Variants in ENOX1 observed in about 807,000 individuals in gnomAD.
ENOX1 encodes candidate growth-related and time keeping constitutive hydroquinone (NADH) oxidase.
A neutral mutation model predicts 82.5 loss-of-function variants in ENOX1; 42 were observed. That is an observed-to-expected ratio of 0.51 (90% CI 0.40 to 0.66). The LOEUF (loss-of-function observed/expected upper bound fraction) is 0.66, where lower values mean the gene tolerates loss of function less well. Ranked by LOEUF, ENOX1 falls within the 30% of genes least tolerant of loss-of-function variation. The pLI is 0.00. For missense variants in ENOX1, 608 were observed against 811.6 expected, an observed-to-expected ratio of 0.75 and a Z score of 3.05; for synonymous variants, 271 against 282.2, an observed-to-expected ratio of 0.96 and a Z score of 0.40.
intron 1 of ENOX1, among the ~76,000 whole-genome samples, chr13:43,679,824 G>T (rs2085696969): frequency 1.3e-5 from 2 of 152,180 alleles, no homozygotes; most frequent in African/African-American, 2.4e-5. Context: ...CTATCAAAAA[G>T]ATATTATCTG....
At chr13:43,272,245 G>C (rs1165667466) in intron 12 of ENOX1, among the ~76,000 whole-genome samples, 1 of 152,156 alleles carries the variant, frequency 6.6e-6, no homozygotes, top group African/African-American at 2.4e-5. Flanking sequence ...CACTCTCACA[G>C]TGAAGGCCAT....
chr13:43,348,067 C>T (rs1218784609), intron 8 of ENOX1, among the ~76,000 whole-genome samples: 3 of 152,196 alleles, frequency 2.0e-5, no homozygotes, highest in Non-Finnish European at 2.9e-5. Flanking sequence ...TTAAACAGCA[C>T]GGCGTGCCTC....
chr13:43,349,838 T>C (rs1309698539), intron 8 of ENOX1, among the ~76,000 whole-genome samples: 2 of 151,860 alleles, frequency 1.3e-5, no homozygotes, highest in Admixed American at 1.3e-4. Context: ...AAGGAATAGA[T>C]GTGATTCTTA....
At chr13:43,601,920 A>T (rs1391731415) in intron 2 of ENOX1, among the ~76,000 whole-genome samples, 1 of 152,176 alleles carries the variant, frequency 6.6e-6, no homozygotes, top group African/African-American at 2.4e-5. Context: ...TACAGAAAAA[A>T]ACTTCTTATC....
intron 1 of ENOX1, among the ~76,000 whole-genome samples, chr13:43,691,237 A>C (rs142513265): frequency 2.3e-3 from 353 of 152,204 alleles, no homozygotes; most frequent in African/African-American, 8.2e-3. Context: ...TTCATAAGTA[A>C]GTACCAAAAC....
chr13:43,326,746 A>G (rs1219836725), intron 9 of ENOX1, among the ~76,000 whole-genome samples: 1 of 152,214 alleles, frequency 6.6e-6, no homozygotes, highest in Non-Finnish European at 1.5e-5. Flanking sequence ...AATTCTAAGT[A>G]TGACCGGGAG....
intron 3 of ENOX1, among the ~76,000 whole-genome samples, chr13:43,433,570 T>C (rs972292472): frequency 2.6e-5 from 4 of 152,254 alleles, no homozygotes; most frequent in African/African-American, 9.6e-5. Context: ...TACACATATA[T>C]GTTTATTCTC....
intron 2 of ENOX1, among the ~76,000 whole-genome samples, chr13:43,500,589 T>C (rs2076946545): frequency 6.6e-6 from 1 of 151,800 alleles, no homozygotes; most frequent in Admixed American, 6.6e-5. Flanking sequence ...TGAAAGGGAG[T>C]TCTTCAAGTT....
chr13:43,361,722 C>A (rs1029839163), intron 5 of ENOX1, among the ~76,000 whole-genome samples: 1 of 152,074 alleles, frequency 6.6e-6, no homozygotes, highest in African/African-American at 2.4e-5. Context: ...TAAAAGCATG[C>A]ACCATGAAGC....
chr13:43,702,985 T>TAAAAAAAAAAA (rs2087007367), intron 1 of ENOX1, among the ~76,000 whole-genome samples: 1 of 83,368 alleles, frequency 1.2e-5, no homozygotes, highest in Non-Finnish European at 3.0e-5. Context: ...AAAAAAAAAG[T>TAAAAAAAAAAA]TTGAGGAAGC....
At chr13:43,448,377 A>T (rs983104307) in intron 3 of ENOX1, among the ~76,000 whole-genome samples, 2 of 152,256 alleles carry the variant, frequency 1.3e-5, no homozygotes, top group African/African-American at 2.4e-5. Context: ...TTAATTTTTA[A>T]AAAAACTTCA....
At chr13:43,637,651 G>T (rs1250861110) in intron 2 of ENOX1, among the ~76,000 whole-genome samples, 1 of 151,854 alleles carries the variant, frequency 6.6e-6, no homozygotes, top group East Asian at 1.9e-4. Flanking sequence ...AAGAATTCAA[G>T]ACTTAAAGAA....
At chr13:43,379,433 G>A (rs2051876021) in intron 5 of ENOX1, among the ~76,000 whole-genome samples, 1 of 151,904 alleles carries the variant, frequency 6.6e-6, no homozygotes, top group Admixed American at 6.6e-5. Flanking sequence ...TGTTCAAGAA[G>A]GCAGAAGGGA....
At position 43,213,532 on chromosome 13, in the gene ENOX1, C is replaced by CT. The variant is rs2041288863; in HGVS notation, c.*457dup. 3 of 61,772 alleles carry CT rather than the reference C, an allele frequency of 4.9e-5. No individual in the cohort carries two copies. Among genetic ancestry groups the CT allele is most frequent in the Admixed American group, 1.8e-4 (1 of 5,540 alleles). The allele number at this position is 61,772 out of a possible 1,614,324, so 3.8% of individuals were successfully genotyped here. A position where few individuals can be genotyped will look rare whatever the true frequency, so the allele number is the denominator to read the frequency against. ...AAAACTTTTTCTTTTTTCTTTTTTTCTTTTTCTTTTTCTTTTTTTTTTTTT... is the reference window on the plus strand; with the variant it reads ...AAAACTTTTTCTTTTTTCTTTTTTTCTTTTTTCTTTTTCTTTTTTTTTTTTT... On this transcript the variant is annotated 3_prime_UTR_variant, in exon 17 of 17. Coordinates refer to ENST00000690772, the MANE Select transcript of ENOX1 (RefSeq NM_001347969.2).
chr13:43,639,508 G>T (rs1472326632), intron 2 of ENOX1, among the ~76,000 whole-genome samples: 2 of 152,104 alleles, frequency 1.3e-5, no homozygotes, highest in Non-Finnish European at 2.9e-5. Context: ...TTTATCAATA[G>T]ACCTGGATTG....
intron 1 of ENOX1, among the ~76,000 whole-genome samples, chr13:43,716,504 T>TA (rs1256005085): frequency 2.0e-5 from 3 of 152,126 alleles, no homozygotes; most frequent in African/African-American, 7.2e-5. Context: ...AACTTGAAAG[T>TA]AAGAATGCTC....
At chr13:43,726,874 T>C (rs1252487825) in intron 1 of ENOX1, among the ~76,000 whole-genome samples, 1 of 152,108 alleles carries the variant, frequency 6.6e-6, no homozygotes, top group Non-Finnish European at 1.5e-5. Context: ...CCCGAGGAGC[T>C]GGGATTACAG....
Position 43,355,987 on chromosome 13 carries a change from G to A in ENOX1, c.755C>T (p.Pro252Leu), listed in dbSNP as rs1273945100. The A allele has an allele frequency of 1.2e-6, 2 of 1,613,830 alleles. No homozygotes were observed. The highest frequency in any genetic ancestry group is 8.5e-7 in the Non-Finnish European group (1 of 1,180,040). ...GTGCATTATGGCAGGCGGGGATGGG[G>A]GCCTGAGCCGGTCCTCCTCCAGCTT... ...RRKLEEDRLR[P>L]PSPPAIMHYS... Residue 252 changes from proline (P) to leucine (L), a missense_variant, in exon 8 of 17, where the codon CCC (proline) becomes CTC (leucine). Pro to Leu is a moderately conservative substitution (Grantham distance 98). Transcript: ENST00000690772.
At chr13:43,740,835 C>T (rs1265045483) in intron 1 of ENOX1, among the ~76,000 whole-genome samples, 1 of 152,102 alleles carries the variant, frequency 6.6e-6, no homozygotes, top group Non-Finnish European at 1.5e-5. Context: ...TTCTTTTTAT[C>T]GATGAATAAT....
Sources: allele counts gnomAD v4.1 joint callset (sites outside exome capture counted in the v4.1 genomes callset), GRCh38; gene constraint gnomAD v4.1.1; transcripts MANE v1.5; gene names NCBI Gene and HGNC (gene_info 2026-07-23, HGNC 2026-07-21).